The following GABBR2 variants were observed in gnomAD, a reference collection of about 807,000 sequenced individuals.
GABBR2 encodes G-protein coupled receptor 51.
In GABBR2, 23 loss-of-function variants were observed where a neutral mutation model predicts 105.6. The observed-to-expected ratio is 0.22, with a 90% confidence interval of 0.16 to 0.31. GABBR2 has a LOEUF of 0.31. GABBR2 is among the 10% of genes least tolerant of loss of function. GABBR2 has a pLI of 1.00. For synonymous variants in GABBR2, 478 were observed against 499.7 expected, an observed-to-expected ratio of 0.96 and a Z score of 0.58; for missense variants, 734 against 1,245.5, an observed-to-expected ratio of 0.59 and a Z score of 6.18.
chr9:98,540,010 G>A (rs909792192), intron 3 of GABBR2, among the ~76,000 whole-genome samples: 1 of 152,084 alleles, frequency 6.6e-6, no homozygotes, highest in Non-Finnish European at 1.5e-5. Context: ...CATGGGATGG[G>A]TCCTTCTTAT....
intron 6 of GABBR2, among the ~76,000 whole-genome samples, chr9:98,466,532 T>C (rs916418971): frequency 2.0e-5 from 3 of 152,198 alleles, no homozygotes; most frequent in Non-Finnish European, 4.4e-5. Context: ...ATCTCACTAC[T>C]CCTTCCTCCT....
intron 3 of GABBR2, among the ~76,000 whole-genome samples, chr9:98,509,365 C>T (rs12380741): frequency 0.23 from 35,733 of 152,140 alleles, 4,912 homozygotes; most frequent in Non-Finnish European, 0.31. Flanking sequence ...CAGAGCACCT[C>T]TCCTCCTCCA....
At chr9:98,304,602 G>A (rs1230738817) in intron 15 of GABBR2, among the ~76,000 whole-genome samples, 6 of 152,208 alleles carry the variant, frequency 3.9e-5, no homozygotes, top group Non-Finnish European at 7.3e-5. Context: ...CCAGTGCAGA[G>A]CTCACAGTGC....
chr9:98,494,906 CT>C (rs1827247434), intron 4 of GABBR2, among the ~76,000 whole-genome samples: 1 of 152,254 alleles, frequency 6.6e-6, no homozygotes, highest in African/African-American at 2.4e-5. Flanking sequence ...TGCTGGGCCT[CT>C]GGAGCTCAGG....
chr9:98,393,928 C>A (rs1003339003), intron 9 of GABBR2, among the ~76,000 whole-genome samples: 1 of 152,242 alleles, frequency 6.6e-6, no homozygotes, highest in Admixed American at 6.5e-5. Context: ...AAAAGAATTA[C>A]TCCTGGCCAT....
chr9:98,649,745 G>T (rs1830079440), intron 1 of GABBR2, among the ~76,000 whole-genome samples: 1 of 152,138 alleles, frequency 6.6e-6, no homozygotes, highest in Non-Finnish European at 1.5e-5. Flanking sequence ...TAGGATTAAT[G>T]ATTTTCTTCT....
intron 7 of GABBR2, among the ~76,000 whole-genome samples, chr9:98,430,806 G>T (rs927608190): frequency 1.3e-5 from 2 of 151,950 alleles, no homozygotes; most frequent in African/African-American, 4.8e-5. Context: ...TCCTGTGCTG[G>T]AAACCCTCCA....
intron 2 of GABBR2, among the ~76,000 whole-genome samples, chr9:98,543,082 CTTTA>C (rs976519075): frequency 2.6e-5 from 4 of 152,026 alleles, no homozygotes; most frequent in African/African-American, 9.7e-5. Context: ...CCATCGTTCT[CTTTA>C]TTATTTCTTC....
intron 1 of GABBR2, among the ~76,000 whole-genome samples, chr9:98,654,990 A>G (rs1027061258): frequency 4.6e-5 from 7 of 152,252 alleles, no homozygotes; most frequent in African/African-American, 9.6e-5. Context: ...AAAGAAGCCA[A>G]TCTGAACAAA....
intron 6 of GABBR2, among the ~76,000 whole-genome samples, chr9:98,465,121 TAAAA>T (rs57747633): frequency 2.7e-4 from 6 of 21,980 alleles, no homozygotes; most frequent in African/African-American, 8.5e-4. Context: ...CAATAAATAC[TAAAA>T]AAAAAAAAAA....
At chr9:98,629,032 C>T (rs1362250978) in intron 1 of GABBR2, among the ~76,000 whole-genome samples, 1 of 152,086 alleles carries the variant, frequency 6.6e-6, no homozygotes, top group Non-Finnish European at 1.5e-5. Flanking sequence ...AAGTCAGAAC[C>T]AAAGGTGAAA....
intron 5 of GABBR2, among the ~76,000 whole-genome samples, chr9:98,480,542 C>T (rs944268499): frequency 2.0e-5 from 3 of 152,164 alleles, no homozygotes; most frequent in African/African-American, 7.2e-5. Flanking sequence ...GTAAAGGATT[C>T]AGGAGGAGAA....
chr9:98,464,217 T>C (rs1353803261), intron 6 of GABBR2, among the ~76,000 whole-genome samples: 1 of 148,346 alleles, frequency 6.7e-6, no homozygotes, highest in African/African-American at 2.5e-5. Context: ...ACCCATCATC[T>C]GGGATGTGAG....
At chr9:98,595,190 T>C (rs960811530) in intron 1 of GABBR2, among the ~76,000 whole-genome samples, 7 of 152,136 alleles carry the variant, frequency 4.6e-5, no homozygotes, top group African/African-American at 1.2e-4. Flanking sequence ...TCCTGGTTTA[T>C]GGACAGCGCC....
intron 2 of GABBR2, among the ~76,000 whole-genome samples, chr9:98,572,462 AT>A (rs970128434): frequency 1.1e-4 from 16 of 152,254 alleles, no homozygotes; most frequent in Middle Eastern, 3.4e-3. Context: ...AATTACACAA[AT>A]TCCATGCAGT....
chr9:98,519,257 C>A (rs7044793), intron 3 of GABBR2, among the ~76,000 whole-genome samples: 52,790 of 152,030 alleles, frequency 0.35, 9,434 homozygotes, highest in Middle Eastern at 0.49. Context: ...CACAGGACAC[C>A]CTATGCATCT....
chr9:98,312,895 G>A (rs567426390), intron 13 of GABBR2, among the ~76,000 whole-genome samples: 2 of 152,082 alleles, frequency 1.3e-5, no homozygotes, highest in South Asian at 2.1e-4. Flanking sequence ...GATTATAGGC[G>A]GCCGCCACCA....
Position 98,311,098 on chromosome 9 carries a change from G to A in GABBR2, c.2001C>T (p.Leu667=). The A allele has an allele frequency of 6.4e-7, 1 of 1,563,548 alleles. No homozygotes were observed. The highest frequency in any genetic ancestry group is 8.8e-7 in the Non-Finnish European group (1 of 1,134,040). The change falls in exon 14 of 19, where the codon CTC becomes CTT. Residue 667 remains leucine, a synonymous_variant. Transcript: ENST00000259455. The part of the protein sequence containing the change: ...LGIVYAYKGL[L]MLFGCFLAWE... ...CTGTCTCCTGCTCTGCACCTACCAT[G>A]AGAAGTCCCTTGTAGGCATAGACGA...
At position 98,694,801 on chromosome 9, in the gene GABBR2, C is replaced by A. The variant is rs532109827; in HGVS notation, c.321+13616G>T. On this transcript the variant is annotated intron_variant, in intron 1 of 18. Transcript: ENST00000259455. ...CTATGAAAAAGCAGAGCAGACATTA[C>A]TATTCTCATTTTATAGGTGATAAAA... Among the ~76,000 whole-genome samples the A allele has an allele frequency of 5.3e-5, 8 of 152,350 alleles. No individual in the cohort carries two copies. The South Asian group carries it at 1.7e-3, about 32-fold the overall frequency.
Sources: allele counts gnomAD v4.1 joint callset (sites outside exome capture counted in the v4.1 genomes callset), GRCh38; gene constraint gnomAD v4.1.1; transcripts MANE v1.5; gene names NCBI Gene and HGNC (gene_info 2026-07-23, HGNC 2026-07-21).